The following GBP3 variants were observed in gnomAD, a reference collection of about 807,000 sequenced individuals.
GBP3 encodes guanylate-binding protein 3.
In GBP3, 55 loss-of-function variants were observed where a neutral mutation model predicts 62.4. That is an observed-to-expected ratio of 0.88 (90% CI 0.71 to 1.10). The LOEUF is 1.10. GBP3 is among the 50% of genes least tolerant of loss of function. The pLI is 0.00. For missense variants in GBP3, 605 were observed against 690.6 expected, an observed-to-expected ratio of 0.88 and a Z score of 1.39; for synonymous variants, 208 against 259.2, an observed-to-expected ratio of 0.80 and a Z score of 1.90.
In GBP3 at chr1:89,014,084, T is replaced by C. The variant is rs747446049; in HGVS notation, c.624A>G (p.Gln208=). The C allele has an allele frequency of 6.8e-6, 11 of 1,613,968 alleles. No individual in the cohort carries two copies. The highest frequency in any genetic ancestry group is 8.5e-7 in the Non-Finnish European group (1 of 1,179,786). ...EYLEYSLKLT[Q]GTSQKDKNFN... ...TTATCAATGGTACGTCTCTGTTACC[T>C]TGCGTTAGCTTCAGGGAATACTCCA... is the stretch of plus-strand genomic sequence containing the variant. The change falls in exon 5 of 11, where the codon CAA becomes CAG. Residue 208 remains glutamine, a splice_region_variant and synonymous_variant. Transcript: ENST00000370481.
rs576915168 is a variant in GBP3 at position 89,010,377 on chromosome 1, C to T, written c.1362+527G>A. 2.2e-3 allele frequency among the ~76,000 whole-genome samples: 309 copies of T among 138,110 alleles called. 62 individuals carry two copies. Among genetic ancestry groups the T allele is most frequent in the Non-Finnish European group, 4.1e-3 (246 of 59,842 alleles). 90.6% of individuals were successfully genotyped at this position (138,110 alleles called of 152,430 possible). ...CCTTGTGATCTGCCTGCCTCAGCCTCCCAAAGTGCTGGGATTACAGGCGTG... is the reference window on the plus strand; with the variant it reads ...CCTTGTGATCTGCCTGCCTCAGCCTTCCAAAGTGCTGGGATTACAGGCGTG... On this transcript the variant is annotated intron_variant, in intron 8 of 10. Transcript: ENST00000370481.
In GBP3 at chr1:89,020,527, C is replaced by T. The variant is rs773628024; in HGVS notation, c.190+5G>A. 8.1e-6 allele frequency: 13 copies of T among 1,614,156 alleles called. No homozygotes were observed. Among genetic ancestry groups the T allele is most frequent in the African/African-American group, 1.3e-5 (1 of 75,052 alleles). ...ACTTGGCAGAGCTTTGCTCATGCCA[C>T]TCACCCTTATTCTTCCCAGCTAGCT... On this transcript the variant is annotated splice_donor_5th_base_variant and intron_variant, in intron 2 of 10. Coordinates refer to ENST00000370481, the MANE Select transcript of GBP3 (RefSeq NM_018284.3).
Position 89,015,363 on chromosome 1 carries a change from C to T in GBP3, c.242G>A (p.Trp81Ter). The stretch of plus-strand genomic sequence containing the variant: ...TGGCTTTTTGGGGTGAGGCACACAC[C>T]ACATCCAGATTCCTTTGGTGTGAGA... Reference protein sequence around the residue: ...VKSHTKGIWMWCVPHPKKPEH... With the variant: ...VKSHTKGIWM The change falls in exon 3 of 11, where the codon TGG becomes TAG. Residue 81 changes from tryptophan (W) to a stop codon, truncating the protein, a stop_gained. Transcript: ENST00000370481. LOFTEE classifies it high-confidence loss of function. 6.2e-7 allele frequency: 1 copy of T among 1,613,528 alleles called. No individual in the cohort carries two copies. The highest frequency in any genetic ancestry group is 8.5e-7 in the Non-Finnish European group (1 of 1,179,744).
chr1:89,012,700 CT>C (rs1157824488), intron 6 of GBP3, among the ~76,000 whole-genome samples: 1 of 138,286 alleles, frequency 7.2e-6, no homozygotes, highest in African/African-American at 2.5e-5. Context: ...AGTAATAAAA[CT>C]TTTTTCCTTT....
At chr1:89,012,980 G>A (rs1678653331) in intron 6 of GBP3, among the ~76,000 whole-genome samples, 1 of 147,708 alleles carries the variant, frequency 6.8e-6, no homozygotes, top group Non-Finnish European at 1.5e-5. Context: ...TGGGATTACA[G>A]GTATGTGCCA....
intron 1 of GBP3, among the ~76,000 whole-genome samples, chr1:89,021,829 GAGAA>G (rs1307917826): frequency 6.8e-6 from 1 of 147,546 alleles, no homozygotes; most frequent in African/African-American, 2.6e-5. Context: ...GAGAGAGAGA[GAGAA>G]AGTGCCAGCA....
intron 2 of GBP3, among the ~76,000 whole-genome samples, chr1:89,017,318 CAA>C (rs748588789): frequency 8.3e-5 from 8 of 96,440 alleles, no homozygotes; most frequent in Admixed American, 1.0e-4. Flanking sequence ...GCTCACATGC[CAA>C]AAAAAAAAAA....
In GBP3 at chr1:89,011,051, G is replaced by A. The variant is rs370506448; in HGVS notation, c.1215C>T (p.Cys405=). 3 of 1,461,736 alleles carry A rather than the reference G, an allele frequency of 2.1e-6. No individual in the cohort carries two copies. In the African/African-American group the frequency reaches 4.1e-5, roughly 20 times the overall value. The allele number at this position is 1,461,736 out of a possible 1,614,324, so 90.5% of individuals were successfully genotyped here. ...TGAAAATGACCTGAAGTAAAGCTGA[G>A]CAACGATCTGATGATGCTTCTTGAT... ...KQNQEASSDR[C]SALLQVIFSP... The change falls in exon 8 of 11, where the codon TGC becomes TGT. Residue 405 remains cysteine (C), a synonymous_variant. Transcript: ENST00000370481.
chr1:89,021,788 TGAGAGAGAGAGAGAGAGAGAGA>T (rs146229731), intron 1 of GBP3, among the ~76,000 whole-genome samples: 3 of 65,310 alleles, frequency 4.6e-5, no homozygotes, highest in African/African-American at 1.4e-4. Flanking sequence ...GCTGGAAAGA[TGAGAGAGAGAGAGAGAGAGAGA>T]GAGAGAGAGA....
intron 2 of GBP3, among the ~76,000 whole-genome samples, chr1:89,018,703 T>A (rs1210401197): frequency 6.6e-6 from 1 of 152,172 alleles, no homozygotes; most frequent in African/African-American, 2.4e-5. Context: ...AATTACTTCA[T>A]CCCCATGTGA....
At chr1:89,011,693 G>T in intron 7 of GBP3, 54 bp downstream of exon 7, 1 of 1,441,632 alleles carries the variant, frequency 6.9e-7, no homozygotes. Context: ...TCATTTCTTA[G>T]TAGTACTTTG....
At chr1:89,014,360 A>G (rs750661001) in intron 4 of GBP3, 81 bp from the exon 5 acceptor site, 3 of 1,605,590 alleles carry the variant, frequency 1.9e-6, no homozygotes, top group South Asian at 1.1e-5. Context: ...CAAACCTTCC[A>G]TTTTCCTTTG....
intron 2 of GBP3, 65 bp downstream of exon 2, chr1:89,020,467 A>G (rs751445810): frequency 1.9e-6 from 3 of 1,588,852 alleles, no homozygotes; most frequent in Non-Finnish European, 2.6e-6. Context: ...TCACATCCTC[A>G]TAATGGATGC....
intron 4 of GBP3, 133 bp downstream of exon 4, chr1:89,014,414 C>G: frequency 6.3e-7 from 1 of 1,593,794 alleles, no homozygotes; most frequent in Non-Finnish European, 8.6e-7. Context: ...CATGGGATCT[C>G]TCCTCTGTAC....
chr1:89,018,192 C>T (rs1170495763), intron 2 of GBP3, among the ~76,000 whole-genome samples: 1 of 152,178 alleles, frequency 6.6e-6, no homozygotes, highest in African/African-American at 2.4e-5. Flanking sequence ...CAGGATTGTG[C>T]AAAGACAGTG....
rs1678551661 is a variant in GBP3, at chr1:89,011,212, A to G, written c.1150-96T>C. ...AAAGACTTCCGAAAATAAACAGTCA[A>G]TGATGCCGGAGAAACTGACAGACTC... On this transcript the variant is annotated intron_variant, in intron 7 of 10. Coordinates refer to ENST00000370481, the MANE Select transcript of GBP3 (RefSeq NM_018284.3). 5 of 1,376,502 alleles carry G rather than the reference A, an allele frequency of 3.6e-6. 1 individual carries two copies. Among genetic ancestry groups the G allele is most frequent in the Admixed American group, 3.8e-5 (2 of 52,230 alleles). The allele number at this position is 1,376,502 out of a possible 1,614,324, so 85.3% of individuals were successfully genotyped here.
rs185025779 is a variant in GBP3, at chr1:89,015,391, T to G, written c.214A>C (p.Lys72Gln). 38 of 1,613,680 alleles carry G rather than the reference T, an allele frequency of 2.4e-5. No individual in the cohort carries two copies. The East Asian group carries it at 8.5e-4, about 36-fold the overall frequency. Reference sequence around the variant, plus strand: ...ATCCAGATTCCTTTGGTGTGAGATTTCACTGTGGAGCCCAGAGAGAAGCCT... The same window carrying G: ...ATCCAGATTCCTTTGGTGTGAGATTGCACTGTGGAGCCCAGAGAGAAGCCT... ...NKGFSLGSTV[K>Q]SHTKGIWMWC... The change falls in exon 3 of 11, where the codon AAA (lysine) becomes CAA (glutamine). Residue 72 changes from lysine (K) to glutamine (Q), a missense_variant. This residue lies in a region of GBP3 where 308 missense variants were observed against 318.0 expected (regional missense o/e 0.97). Transcript: ENST00000370481.
chr1:89,011,462 C>T (rs1179575557), intron 7 of GBP3, among the ~76,000 whole-genome samples: 1 of 139,490 alleles, frequency 7.2e-6, no homozygotes, highest in African/African-American at 2.5e-5. Context: ...GCTAGAATAT[C>T]AAATCAGTCT....
Position 89,007,626 on chromosome 1 carries a change from G to T in GBP3, c.*98C>A. 1.8e-6 allele frequency: 2 copies of T among 1,127,280 alleles called. No individual in the cohort carries two copies. Among genetic ancestry groups the T allele is most frequent in the Non-Finnish European group, 2.6e-6 (2 of 781,168 alleles). 69.8% of individuals were successfully genotyped at this position (1,127,280 alleles called of 1,614,324 possible). A position where few individuals can be genotyped will look rare whatever the true frequency, so the allele number is the denominator to read the frequency against. On this transcript the variant is annotated 3_prime_UTR_variant, in exon 11 of 11. Coordinates refer to ENST00000370481, the MANE Select transcript of GBP3 (RefSeq NM_018284.3). ...TCTTGTAAACTTTTAGTGTTATGAT[G>T]CAAGATCTAATTATTATCAAATATA... is the stretch of plus-strand genomic sequence containing the variant.
Sources: allele counts gnomAD v4.1 joint callset (sites outside exome capture counted in the v4.1 genomes callset), GRCh38; gene constraint gnomAD v4.1.1; regional missense constraint gnomAD v4.1.1; transcripts MANE v1.5; gene names NCBI Gene and HGNC (gene_info 2026-07-23, HGNC 2026-07-21).